The following LYSMD4 variants were observed in gnomAD, a reference collection of about 807,000 sequenced individuals.
The protein encoded by LYSMD4 is LysM domain containing 4, also known as lysM and putative peptidoglycan-binding domain-containing protein 4.
Under a neutral mutation model 6.1 loss-of-function variants are expected in LYSMD4, and 9 were observed. That is an observed-to-expected ratio of 1.47 (90% CI 0.88 to 2.56). The LOEUF is 2.56. Among genes scored for constraint, LYSMD4 ranks in the 30% most tolerant of loss-of-function variants. LYSMD4 has a pLI of 0.00. For missense variants in LYSMD4, 384 were observed against 373.5 expected, an observed-to-expected ratio of 1.03 and a Z score of -0.23; for synonymous variants, 143 against 148.5, an observed-to-expected ratio of 0.96 and a Z score of 0.27.
chr15:99,723,693 C>T (rs978350141), downstream of LYSMD4, among the ~76,000 whole-genome samples: 3 of 152,156 alleles, frequency 2.0e-5, no homozygotes, highest in Non-Finnish European at 4.4e-5. Flanking sequence ...AAGCTTCTTG[C>T]GATGACACCA....
Position 99,731,970 on chromosome 15 carries a change from G to C in LYSMD4, c.30C>G (p.Thr10=), listed in dbSNP as rs1313319834. 5 of 1,594,816 alleles carry C rather than the reference G, an allele frequency of 3.1e-6. No individual in the cohort carries two copies. The highest frequency in any genetic ancestry group is 3.4e-6 in the Non-Finnish European group (4 of 1,168,840). Residue 10 remains threonine (T), a synonymous_variant, in exon 2 of 3, where the codon ACC becomes ACG. Transcript: ENST00000684762. ...CACACACAACAGCTGGGCCTTGGAA[G>C]GTCTTGGTTAACAATTCCTCGTGCC... MRHEELLTK[T]FQGPAVVCGT...
Position 99,729,174 on chromosome 15 carries a change from G to C in LYSMD4, c.840C>G (p.Ala280=). The C allele has an allele frequency of 6.2e-7, 1 of 1,614,188 alleles. No homozygotes were observed. Residue 280 remains alanine (A), a synonymous_variant, in exon 3 of 3, where the codon GCC becomes GCG. Transcript: ENST00000684762. ...QAPRLAVAVP[A]VTSADSQFSQ... ...TGAACTGGCTGTCTGCAGAAGTGACGGCTGGCACTGCAACTGCTAGTCTGG... is the reference window on the plus strand; with the variant it reads ...TGAACTGGCTGTCTGCAGAAGTGACCGCTGGCACTGCAACTGCTAGTCTGG...
At chr15:99,726,608 C>T (rs370236496), downstream of LYSMD4, among the ~76,000 whole-genome samples, 9 of 152,260 alleles carry the variant, frequency 5.9e-5, no homozygotes, top group Admixed American at 2.6e-4. Flanking sequence ...TGGGCAGTGG[C>T]GGTTCTGGGT....
intron 1 of LYSMD4, 148 bp from the exon 2 acceptor site, chr15:99,732,155 G>T: frequency 1.2e-6 from 1 of 848,792 alleles, no homozygotes; most frequent in Non-Finnish European, 1.8e-6. Context: ...AAAAAAGAAT[G>T]TGCTTATGCT....
At chr15:99,732,602 C>A (rs937557165) in intron 1 of LYSMD4, among the ~76,000 whole-genome samples, 1 of 152,204 alleles carries the variant, frequency 6.6e-6, no homozygotes, top group African/African-American at 2.4e-5. Context: ...TCACGGGTCA[C>A]TTTGCATTCA....
intron 1 of LYSMD4, among the ~76,000 whole-genome samples, chr15:99,732,408 T>C (rs779262813): frequency 6.6e-6 from 1 of 152,234 alleles, no homozygotes; most frequent in Non-Finnish European, 1.5e-5. Context: ...CTTTGCACAA[T>C]AATTTTGTAT....
At chr15:99,724,971 C>G (rs1392281932), downstream of LYSMD4, among the ~76,000 whole-genome samples, 1 of 152,198 alleles carries the variant, frequency 6.6e-6, no homozygotes, top group Non-Finnish European at 1.5e-5. Flanking sequence ...CTCCACTGCA[C>G]CAGACTTGGA....
chr15:99,723,960 T>C (rs1392176422), downstream of LYSMD4, among the ~76,000 whole-genome samples: 1 of 150,996 alleles, frequency 6.6e-6, no homozygotes, highest in Non-Finnish European at 1.5e-5. Context: ...CTCAAACTAG[T>C]ACTGCAGCAT....
chr15:99,732,201 CTTTG>C (rs909980350), intron 1 of LYSMD4, among the ~76,000 whole-genome samples, 194 bp from the exon 2 acceptor site: 4 of 152,162 alleles, frequency 2.6e-5, no homozygotes, highest in African/African-American at 9.7e-5. Flanking sequence ...AATAAAAACC[CTTTG>C]TTTTTTCTAA....
chr15:99,719,793 A>G (rs572250479), upstream of LYSMD4, among the ~76,000 whole-genome samples: 14 of 152,320 alleles, frequency 9.2e-5, no homozygotes, highest in East Asian at 2.5e-3. Flanking sequence ...TTGCCTCCAG[A>G]GATGTATCAA....
chr15:99,726,385 C>T (rs2059282787), downstream of LYSMD4, among the ~76,000 whole-genome samples: 1 of 152,034 alleles, frequency 6.6e-6, no homozygotes. Context: ...CTCAAGTGAT[C>T]CATCCGCCTC....
chr15:99,718,989 C>T (rs182393264), upstream of LYSMD4, among the ~76,000 whole-genome samples: 5 of 152,280 alleles, frequency 3.3e-5, no homozygotes, highest in Admixed American at 1.3e-4. Context: ...CCATGGTTTA[C>T]GCGAATGCTT....
intron 2 of LYSMD4, 198 bp downstream of exon 2, chr15:99,731,520 T>C: frequency 5.7e-6 from 9 of 1,566,184 alleles, no homozygotes; most frequent in Non-Finnish European, 6.9e-6. Flanking sequence ...CCTCCCTCTT[T>C]GGGGGCCAGG....
chr15:99,731,222 C>G, intron 2 of LYSMD4: 1 of 1,611,462 alleles, frequency 6.2e-7, no homozygotes, highest in Non-Finnish European at 8.5e-7. Flanking sequence ...TAGAGAAAAA[C>G]AGGGTTATAT....
chr15:99,718,469 G>A (rs562395016), upstream of LYSMD4, among the ~76,000 whole-genome samples: 5 of 152,340 alleles, frequency 3.3e-5, no homozygotes, highest in Admixed American at 2.6e-4. Flanking sequence ...ATTGTGCAGC[G>A]TCTATAGCTG....
chr15:99,717,513 C>CTTAAAACACCAGAT (rs1555507333), exon 1 of LYSMD4: 1 of 45,022 alleles, frequency 2.2e-5, no homozygotes, highest in Non-Finnish European at 5.3e-5. Flanking sequence ...AGGTTTCAGA[C>CTTAAAACACCAGAT]GTTCCAGGTC....
Position 99,729,005 on chromosome 15 carries a change from GAA to G in LYSMD4, c.*116_*117del, listed in dbSNP as rs2059334569. ...AATTGGGAATACTGCAGTGACTTCT[GAA>G]AAGTGTCCATCCTTCCCCGGAAGCA... On this transcript the variant is annotated 3_prime_UTR_variant, in exon 3 of 3. Coordinates refer to ENST00000684762, the MANE Select transcript of LYSMD4 (RefSeq NM_001284417.2). 3.5e-5 allele frequency: 49 copies of G among 1,392,248 alleles called. No homozygotes were observed. The highest frequency in any genetic ancestry group is 6.6e-5 in the South Asian group (5 of 76,318). The allele number at this position is 1,392,248 out of a possible 1,614,324, so 86.2% of individuals were successfully genotyped here.
chr15:99,732,179 G>A (rs954052692), intron 1 of LYSMD4, among the ~76,000 whole-genome samples, 172 bp from the exon 2 acceptor site: 7 of 152,320 alleles, frequency 4.6e-5, no homozygotes, highest in African/African-American at 1.7e-4. Context: ...TGAGATGGAA[G>A]AAGATAGGCA....
At position 99,729,018 on chromosome 15, in the gene LYSMD4, C is replaced by A. The variant is rs544000507; in HGVS notation, c.*105G>T. 5 of 1,472,606 alleles carry A rather than the reference C, an allele frequency of 3.4e-6. No homozygotes were observed. In the South Asian group the frequency reaches 5.1e-5, roughly 15 times the overall value. 91.2% of individuals were successfully genotyped at this position (1,472,606 alleles called of 1,614,324 possible). A position where few individuals can be genotyped will look rare whatever the true frequency, so the allele number is the denominator to read the frequency against. On this transcript the variant is annotated 3_prime_UTR_variant, in exon 3 of 3. Transcript: ENST00000684762. ...GCAGTGACTTCTGAAAAGTGTCCATCCTTCCCCGGAAGCAAAATGCAGCAC... is the reference window on the plus strand; with the variant it reads ...GCAGTGACTTCTGAAAAGTGTCCATACTTCCCCGGAAGCAAAATGCAGCAC...
Sources: gnomAD v4.1 joint callset for allele counts (sites outside exome capture counted in the v4.1 genomes callset) on GRCh38, gnomAD v4.1.1 for gene constraint, MANE v1.5 for transcripts, NCBI Gene and HGNC (gene_info 2026-07-23, HGNC 2026-07-21) for gene names.